The following JMY variants were observed in gnomAD, a reference collection of about 807,000 sequenced individuals.
JMY encodes junction mediating and regulatory protein, p53 cofactor, also known as junction-mediating and -regulatory protein.
In JMY, 46 loss-of-function variants were observed where a neutral mutation model predicts 103.3. The observed-to-expected ratio is 0.45, with a 90% CI of 0.35 to 0.57. The LOEUF (loss-of-function observed/expected upper bound fraction) is 0.57. Ranked by LOEUF, JMY falls within the 20% of genes least tolerant of loss-of-function variation. The pLI is 0.00. For missense variants in JMY, 1,238 were observed against 1,255.2 expected, an observed-to-expected ratio of 0.99 and a Z score of 0.21; for synonymous variants, 526 against 489.3, an observed-to-expected ratio of 1.07 and a Z score of -0.99.
chr5:79,294,632 G>A (rs150269197), intron 4 of JMY, among the ~76,000 whole-genome samples: 2,818 of 151,344 alleles, frequency 0.019, 98 homozygotes, highest in African/African-American at 0.064. Flanking sequence ...CAAGACGGGC[G>A]GATCATCTGA....
At chr5:79,248,535 CTGACCTCAGG>C (rs1490836489) in intron 1 of JMY, among the ~76,000 whole-genome samples, 2 of 151,940 alleles carry the variant, frequency 1.3e-5, no homozygotes, top group Admixed American at 1.3e-4. Context: ...TCTCAAACTC[CTGACCTCAGG>C]TGATCCACCC....
chr5:79,257,839 T>C (rs192189322), intron 1 of JMY, among the ~76,000 whole-genome samples: 3 of 152,212 alleles, frequency 2.0e-5, no homozygotes, highest in East Asian at 1.9e-4. Context: ...CTCGACTCAC[T>C]GCAACTTCTG....
intron 2 of JMY, 78 bp downstream of exon 2, chr5:79,278,161 G>C: frequency 4.1e-5 from 39 of 941,158 alleles, no homozygotes; most frequent in Middle Eastern, 2.6e-4. Flanking sequence ...TTATCCACAA[G>C]AGGAACTTTA....
intron 1 of JMY, among the ~76,000 whole-genome samples, chr5:79,266,184 G>A (rs190708950): frequency 2.9e-4 from 44 of 152,288 alleles, no homozygotes; most frequent in African/African-American, 9.4e-4. Context: ...TCACAGAGGC[G>A]TTCAGTTTTA....
chr5:79,272,205 A>G (rs978017459), intron 1 of JMY, among the ~76,000 whole-genome samples: 1 of 151,216 alleles, frequency 6.6e-6, no homozygotes, highest in Non-Finnish European at 1.5e-5. Context: ...TAGTCCCTCC[A>G]GGCTTCTTAT....
At chr5:79,238,803 A>G (rs899884405) in intron 1 of JMY, among the ~76,000 whole-genome samples, 1 of 151,908 alleles carries the variant, frequency 6.6e-6, no homozygotes, top group African/African-American at 2.4e-5. Flanking sequence ...GCGCGCCACC[A>G]CGCCCGGCTA....
chr5:79,237,754 C>T (rs1744571366), intron 1 of JMY, 72 bp downstream of exon 1: 3 of 1,402,528 alleles, frequency 2.1e-6, no homozygotes, highest in Non-Finnish European at 2.9e-6. Flanking sequence ...AAGGCTGGAG[C>T]CTCGGTGTCG....
At chr5:79,255,192 G>A (rs1047560552) in intron 1 of JMY, among the ~76,000 whole-genome samples, 1 of 145,506 alleles carries the variant, frequency 6.9e-6, no homozygotes, top group Admixed American at 7.1e-5. Flanking sequence ...CACCTCCCAG[G>A]TTCAAGGGAT....
At chr5:79,316,994 G>C (rs944692870) in intron 10 of JMY, among the ~76,000 whole-genome samples, 1 of 151,156 alleles carries the variant, frequency 6.6e-6, no homozygotes, top group Non-Finnish European at 1.5e-5. Context: ...GATCTCTTGA[G>C]CCCAGGCGTT....
chr5:79,277,929 A>C lies in JMY; in HGVS notation c.1052A>C (p.Asn351Thr). Residue 351 changes from asparagine to threonine, a missense_variant, in exon 2 of 11, where the codon AAT becomes ACT. Asn to Thr is a moderately conservative substitution (Grantham distance 65, BLOSUM62 0). Transcript: ENST00000396137. ...CCACAGCTCTTGGATAAGCACAAGA[A>C]TACAGAGAGCATGGTGGAGCTTCTG... ...RIQELLDKHK[N>T]TESMVELLDL... 3 of 1,613,662 alleles carry C rather than the reference A, an allele frequency of 1.9e-6. No individual in the cohort carries two copies. Among genetic ancestry groups the C allele is most frequent in the Non-Finnish European group, 2.5e-6 (3 of 1,179,758 alleles).
chr5:79,314,941 CTT>C (rs986137948), intron 9 of JMY, 90 bp downstream of exon 9: 4 of 1,204,624 alleles, frequency 3.3e-6, no homozygotes, highest in South Asian at 1.7e-5. Flanking sequence ...GCTTAAAACA[CTT>C]TATTTTTGAC....
intron 6 of JMY, among the ~76,000 whole-genome samples, chr5:79,301,155 C>A (rs868754543): frequency 2.6e-4 from 39 of 152,184 alleles, no homozygotes; most frequent in African/African-American, 8.9e-4. Context: ...GGAGGCCCAG[C>A]GATGTTTTTT....
chr5:79,247,496 T>C (rs1744937713), intron 1 of JMY, among the ~76,000 whole-genome samples: 1 of 151,868 alleles, frequency 6.6e-6, no homozygotes, highest in Non-Finnish European at 1.5e-5. Context: ...TTTTTAGTTG[T>C]TGTTGAAACA....
At chr5:79,306,316 G>A in intron 6 of JMY, 59 bp from the exon 7 acceptor site, 1 of 1,171,598 alleles carries the variant, frequency 8.5e-7, no homozygotes, top group Non-Finnish European at 1.3e-6. Context: ...TAACCTTGGT[G>A]TGGTGTTCAG....
At position 79,255,913 on chromosome 5, in the gene JMY, G is replaced by C. The variant is rs112916331; in HGVS notation, c.1032+18231G>C. 6.7e-3 allele frequency among the ~76,000 whole-genome samples: 1,017 copies of C among 152,320 alleles called. 11 individuals carry two copies. Among genetic ancestry groups the C allele is most frequent in the African/African-American group, 0.023 (966 of 41,576 alleles). On this transcript the variant is annotated intron_variant, in intron 1 of 10. Coordinates refer to ENST00000396137, the MANE Select transcript of JMY (RefSeq NM_152405.5). ...AGCACAGCACTGGGTCTCCCCCAAG[G>C]CCTGCTATAACCACTCCCTGGCTAC...
intron 8 of JMY, among the ~76,000 whole-genome samples, chr5:79,312,870 A>G (rs187844108): frequency 6.6e-6 from 1 of 152,300 alleles, no homozygotes; most frequent in African/African-American, 2.4e-5. Context: ...TAATACATCA[A>G]ATGACCATTG....
intron 4 of JMY, among the ~76,000 whole-genome samples, chr5:79,292,734 G>T (rs1746459094): frequency 6.6e-6 from 1 of 152,106 alleles, no homozygotes; most frequent in Admixed American, 6.5e-5. Context: ...TACTGTAGTT[G>T]GTCTAGAGTA....
intron 1 of JMY, among the ~76,000 whole-genome samples, chr5:79,263,943 G>T (rs568215639): frequency 1.3e-5 from 2 of 151,732 alleles, no homozygotes; most frequent in African/African-American, 4.8e-5. Context: ...GATTACAGGC[G>T]CCTGCCACCA....
chr5:79,236,801 G>A lies in JMY; in HGVS notation c.151G>A (p.Ala51Thr), dbSNP rs919051852. 9 of 1,493,214 alleles carry A rather than the reference G, an allele frequency of 6.0e-6. No individual in the cohort carries two copies. In the African/African-American group the frequency reaches 7.3e-5, roughly 12 times the overall value. 92.5% of individuals were successfully genotyped at this position (1,493,214 alleles called of 1,614,324 possible). A position where few individuals can be genotyped will look rare whatever the true frequency, so the allele number is the denominator to read the frequency against. ...TGCCATAACCTGCCACAACCGGACGGCCCAGAGGCAGAGGAGCGGCTCCCG... is the reference window on the plus strand; with the variant it reads ...TGCCATAACCTGCCACAACCGGACGACCCAGAGGCAGAGGAGCGGCTCCCG... ...KFAITCHNRT[A>T]QRQRSGSREQ... The change falls in exon 1 of 11, where the codon GCC (alanine) becomes ACC (threonine). Residue 51 changes from alanine to threonine, a missense_variant. Physicochemically the swap from Ala to Thr is moderately conservative, Grantham distance 58 (BLOSUM62 0). Transcript: ENST00000396137.
Sources: gnomAD v4.1 joint callset for allele counts (sites outside exome capture counted in the v4.1 genomes callset) on GRCh38, gnomAD v4.1.1 for gene constraint, MANE v1.5 for transcripts, NCBI Gene and HGNC (gene_info 2026-07-23, HGNC 2026-07-21) for gene names.